Variants in ARHGEF26 observed in about 807,000 individuals in gnomAD.
ARHGEF26 encodes the protein Rho guanine nucleotide exchange factor (GEF) 26.
In ARHGEF26, 59 loss-of-function variants were observed where a neutral mutation model predicts 89.4. The ratio of observed to expected loss-of-function variants is 0.66; its 90% CI spans 0.54 to 0.82. ARHGEF26 has a LOEUF of 0.82. Among genes scored for constraint, ARHGEF26 ranks in the 40% least tolerant of loss-of-function variants. The pLI is 0.00. For synonymous variants in ARHGEF26, 500 were observed against 428.4 expected, an observed-to-expected ratio of 1.17 and a Z score of -2.06; for missense variants, 1,234 against 1,085.6, an observed-to-expected ratio of 1.14 and a Z score of -1.92.
At chr3:154,224,976 T>C (rs911004640) in intron 10 of ARHGEF26, among the ~76,000 whole-genome samples, 1 of 152,132 alleles carries the variant, frequency 6.6e-6, no homozygotes, top group African/African-American at 2.4e-5. Context: ...GCATTATGTT[T>C]TGTGTGTCCA....
At chr3:154,191,197 A>G in intron 7 of ARHGEF26, 92 bp from the exon 8 acceptor site, 1 of 1,358,596 alleles carries the variant, frequency 7.4e-7, no homozygotes, top group East Asian at 2.5e-5. Context: ...TGCTATATGG[A>G]TTTATCACAG....
At chr3:154,187,136 C>A in intron 6 of ARHGEF26, 3 of 636,662 alleles carry the variant, frequency 4.7e-6, no homozygotes, top group Non-Finnish European at 5.9e-6. Flanking sequence ...ATAATCCACC[C>A]GCTTCGGCCT....
At chr3:154,219,361 G>A (rs917806473) in intron 10 of ARHGEF26, among the ~76,000 whole-genome samples, 13 of 152,016 alleles carry the variant, frequency 8.6e-5, no homozygotes, top group Admixed American at 7.9e-4. Flanking sequence ...TTGGGAGGCC[G>A]AGGTGGGTGA....
At chr3:154,159,715 C>T (rs932552065) in intron 6 of ARHGEF26, among the ~76,000 whole-genome samples, 2 of 151,952 alleles carry the variant, frequency 1.3e-5, no homozygotes, top group Non-Finnish European at 2.9e-5. Flanking sequence ...TTATGAAATA[C>T]GTTTCTATTT....
In ARHGEF26 at chr3:154,124,068, G is replaced by T. The variant is rs921224584; in HGVS notation, c.1084-342G>T. Among the ~76,000 whole-genome samples the T allele has an allele frequency of 2.6e-5, 4 of 152,198 alleles. No individual in the cohort carries two copies. In the South Asian group the frequency reaches 8.3e-4, roughly 32 times the overall value. On this transcript the variant is annotated intron_variant, in intron 2 of 14. Coordinates refer to ENST00000465093, the MANE Select transcript of ARHGEF26 (RefSeq NM_015595.4). ...AAATAAATTACATAACATTTTATGTGTTTTTTCCAACTCTGCAAGTATAGC... is the reference window on the plus strand; with the variant it reads ...AAATAAATTACATAACATTTTATGTTTTTTTTCCAACTCTGCAAGTATAGC...
rs377586956 is a variant in ARHGEF26, at chr3:154,217,943, G to A, written c.1920G>A (p.Leu640=). The A allele has an allele frequency of 1.6e-5, 25 of 1,591,158 alleles. No homozygotes were observed. In the African/African-American group the frequency reaches 3.3e-4, roughly 21 times the overall value. ...TGATGTACACAATTAACTCCCAGCTGGAATTTAAAATTAAGGTATTCTCGT... is the reference window on the plus strand; with the variant it reads ...TGATGTACACAATTAACTCCCAGCTAGAATTTAAAATTAAGGTATTCTCGT... The part of the protein sequence containing the change: ...TEMMYTINSQ[L]EFKIKPFPLV... The change falls in exon 10 of 15, where the codon CTG becomes CTA. Residue 640 remains leucine (L), a synonymous_variant. Transcript: ENST00000465093.
intron 11 of ARHGEF26, among the ~76,000 whole-genome samples, chr3:154,234,385 C>T (rs976321540): frequency 6.6e-6 from 1 of 152,126 alleles, no homozygotes; most frequent in African/African-American, 2.4e-5. Context: ...ACATGTTTAA[C>T]AGCACCTCTC....
intron 3 of ARHGEF26, among the ~76,000 whole-genome samples, chr3:154,126,412 T>G (rs570150371): frequency 1.1e-3 from 170 of 152,200 alleles, no homozygotes; most frequent in African/African-American, 4.0e-3. Flanking sequence ...CCTTAACACC[T>G]CCCTCTCTCT....
chr3:154,237,573 C>G (rs1208267159), intron 11 of ARHGEF26, among the ~76,000 whole-genome samples: 1 of 151,062 alleles, frequency 6.6e-6, no homozygotes, highest in Non-Finnish European at 1.5e-5. Context: ...CACACACACA[C>G]TTAACTAGTT....
intron 2 of ARHGEF26, among the ~76,000 whole-genome samples, chr3:154,124,102 A>G (rs756359535): frequency 6.6e-6 from 1 of 152,250 alleles, no homozygotes; most frequent in Non-Finnish European, 1.5e-5. Context: ...GCAAAGTTCA[A>G]TTTAACAGTG....
At chr3:154,121,782 G>A (rs1021331804) in intron 1 of ARHGEF26, among the ~76,000 whole-genome samples, 160 bp from the exon 2 acceptor site, 4 of 152,200 alleles carry the variant, frequency 2.6e-5, no homozygotes, top group African/African-American at 9.6e-5. Context: ...CGGGAACCGC[G>A]CACCGCAGTG....
chr3:154,166,836 C>T (rs1712073047), intron 6 of ARHGEF26, among the ~76,000 whole-genome samples: 1 of 152,186 alleles, frequency 6.6e-6, no homozygotes, highest in Non-Finnish European at 1.5e-5. Context: ...AATTCAAATA[C>T]TGCCAAAAAG....
chr3:154,245,865 G>A (rs762906276), intron 12 of ARHGEF26, among the ~76,000 whole-genome samples: 3 of 152,166 alleles, frequency 2.0e-5, no homozygotes, highest in Non-Finnish European at 4.4e-5. Flanking sequence ...GAACCATACG[G>A]AGATCAGATC....
chr3:154,256,632 C>A lies in ARHGEF26; in HGVS notation c.*1159C>A. The A allele has an allele frequency of 9.3e-7, 1 of 1,075,650 alleles. No homozygotes were observed. The highest frequency in any genetic ancestry group is 4.5e-5 in the South Asian group (1 of 22,094). The allele number at this position is 1,075,650 out of a possible 1,614,324, so 66.6% of individuals were successfully genotyped here. A position where few individuals can be genotyped will look rare whatever the true frequency, so the allele number is the denominator to read the frequency against. ...TGAGGCTGCTTTGCCTTCAATAATA[C>A]CTAGTTTTCAGCTGTTCCAACTCGT... On this transcript the variant is annotated 3_prime_UTR_variant, in exon 15 of 15. Transcript: ENST00000465093.
chr3:154,208,014 G>C (rs1715137119), intron 9 of ARHGEF26, among the ~76,000 whole-genome samples: 1 of 152,134 alleles, frequency 6.6e-6, no homozygotes, highest in Non-Finnish European at 1.5e-5. Flanking sequence ...CATACCACAT[G>C]TTCTCACTTA....
intron 4 of ARHGEF26, among the ~76,000 whole-genome samples, chr3:154,140,496 C>G (rs1031497993): frequency 1.8e-4 from 28 of 151,396 alleles, no homozygotes; most frequent in African/African-American, 6.8e-4. Context: ...CTGACTTGGG[C>G]TTTTTTTTCT....
intron 9 of ARHGEF26, among the ~76,000 whole-genome samples, chr3:154,196,919 T>C (rs1714327662): frequency 6.6e-6 from 1 of 151,630 alleles, no homozygotes; most frequent in South Asian, 2.1e-4. Context: ...GAGAAAAAAA[T>C]AGGAAGGTAC....
intron 12 of ARHGEF26, among the ~76,000 whole-genome samples, chr3:154,242,828 A>G (rs1400738553): frequency 6.6e-6 from 1 of 152,144 alleles, no homozygotes; most frequent in Non-Finnish European, 1.5e-5. Context: ...TCAAAAAAAA[A>G]AGGGAGCTTC....
intron 5 of ARHGEF26, among the ~76,000 whole-genome samples, chr3:154,151,176 T>A (rs1482642038): frequency 6.6e-6 from 1 of 152,180 alleles, no homozygotes; most frequent in Non-Finnish European, 1.5e-5. Flanking sequence ...ACTTGAAACA[T>A]ACCTCAAAAT....
Sources: allele counts gnomAD v4.1 joint callset (sites outside exome capture counted in the v4.1 genomes callset), GRCh38; gene constraint gnomAD v4.1.1; transcripts MANE v1.5; gene names NCBI Gene and HGNC (gene_info 2026-07-23, HGNC 2026-07-21).